CBR4: variants seen among roughly 807,000 people sequenced by gnomAD.
CBR4 encodes 3-oxoacyl-[acyl-carrier-protein] reductase.
Under a neutral mutation model 21.0 loss-of-function variants are expected in CBR4, and 22 were observed. The observed-to-expected ratio is 1.05, with a 90% CI of 0.75 to 1.50. The LOEUF is 1.50. Ranked by LOEUF, CBR4 falls within the 40% of genes most tolerant of loss-of-function variation. The pLI, the probability that CBR4 is intolerant of heterozygous loss-of-function variation, is 0.00. For synonymous variants in CBR4, 100 were observed against 104.4 expected (o/e 0.96, Z 0.26); for missense variants, 302 against 286.3 (o/e 1.05, Z -0.40).
intron 2 of CBR4, among the ~76,000 whole-genome samples, chr4:168,949,958 A>AT (rs986619003): frequency 2.0e-5 from 3 of 152,054 alleles, no homozygotes; most frequent in Non-Finnish European, 4.4e-5. Flanking sequence ...GTCAGTTGTA[A>AT]TATCTCCCAT....
At chr4:168,965,645 C>T (rs6553344) in intron 2 of CBR4, among the ~76,000 whole-genome samples, 105,895 of 152,088 alleles carry the variant, frequency 0.7, 38,288 homozygotes, top group East Asian at 0.96. Flanking sequence ...AAACAAGCAA[C>T]GAGGAAAGGA....
At chr4:168,910,925 A>G (rs1046861735) in intron 2 of CBR4, among the ~76,000 whole-genome samples, 1 of 152,188 alleles carries the variant, frequency 6.6e-6, no homozygotes, top group African/African-American at 2.4e-5. Flanking sequence ...ATTCACATGG[A>G]AATTCTTGCT....
chr4:168,911,346 T>A (rs1758907232), intron 2 of CBR4, among the ~76,000 whole-genome samples: 2 of 152,204 alleles, frequency 1.3e-5, no homozygotes, highest in Admixed American at 1.3e-4. Context: ...AATGATTAGT[T>A]CATTTTAACT....
At chr4:169,006,115 CT>C (rs1282701531) in intron 3 of CBR4, among the ~76,000 whole-genome samples, 1 of 152,122 alleles carries the variant, frequency 6.6e-6, no homozygotes, top group African/African-American at 2.4e-5. Flanking sequence ...GAAATTTTAT[CT>C]TCCTTTAAAC....
chr4:169,005,892 G>A (rs750484313), intron 3 of CBR4: 1 of 1,288,548 alleles, frequency 7.8e-7, no homozygotes, highest in South Asian at 1.2e-5. Context: ...TACTTTTATG[G>A]AGCAGCATCT....
Position 168,925,265 on chromosome 4 carries a change from G to C in CBR4, n.170-30500C>G, listed in dbSNP as rs1387962848. The C allele has an allele frequency of 3.1e-6, 5 of 1,605,984 alleles. No homozygotes were observed. In the African/African-American group the frequency reaches 6.7e-5, roughly 21 times the overall value. On this transcript the variant is annotated intron_variant and non_coding_transcript_variant, in intron 2 of 3. Coordinates refer to the CBR4 transcript ENST00000509108. ...ACATTAATAGTGAACCACACCAGGA[G>C]AACAAATACCCAAGTATCATTCAGG...
At chr4:169,000,747 A>G (rs189900646) in intron 4 of CBR4, among the ~76,000 whole-genome samples, 3 of 152,330 alleles carry the variant, frequency 2.0e-5, no homozygotes, top group Admixed American at 6.5e-5. Flanking sequence ...AATTTCTAGC[A>G]CACCAGCTAA....
At chr4:169,003,807 A>G (rs1730662771) in intron 3 of CBR4, among the ~76,000 whole-genome samples, 1 of 152,208 alleles carries the variant, frequency 6.6e-6, no homozygotes, top group Non-Finnish European at 1.5e-5. Flanking sequence ...AGGGACATGA[A>G]TGAAATTGGA....
intron 4 of CBR4, among the ~76,000 whole-genome samples, chr4:168,991,670 G>C (rs1764930148): frequency 6.6e-6 from 1 of 152,032 alleles, no homozygotes; most frequent in Non-Finnish European, 1.5e-5. Flanking sequence ...GACTTATGAA[G>C]AAAATCTTAC....
intron 2 of CBR4, chr4:168,927,514 G>A (rs1762712324): frequency 4.3e-6 from 1 of 231,906 alleles, no homozygotes; most frequent in South Asian, 1.8e-4. Flanking sequence ...TGGCATAAAT[G>A]AGAAATTGCC....
In CBR4 at chr4:168,896,476, G is replaced by A. The variant is rs1755199039; in HGVS notation, n.170-1711C>T. ...TGCTAGCACAAAAGTTTCACTTAAG[G>A]AAAATTAGAAATCTTGCTGCATTCT... On this transcript the variant is annotated intron_variant and non_coding_transcript_variant, in intron 2 of 3. Coordinates refer to the CBR4 transcript ENST00000509108. 11 of 927,670 alleles carry A rather than the reference G, an allele frequency of 1.2e-5. 1 individual carries two copies. The South Asian group carries it at 1.3e-4, about 11-fold the overall frequency. 57.5% of individuals were successfully genotyped at this position (927,670 alleles called of 1,614,324 possible).
chr4:168,903,576 A>G (rs1757010826), intron 2 of CBR4, among the ~76,000 whole-genome samples: 1 of 152,196 alleles, frequency 6.6e-6, no homozygotes, highest in African/African-American at 2.4e-5. Context: ...CTCAAATAGA[A>G]TTTAAATTGT....
rs2126589237 is a variant in CBR4 at position 168,925,008 on chromosome 4, T to C, written n.170-30243A>G. ...TTCAGGGAGCCACAAAAGAAGATGC[T>C]GGGTGGTATACTGTGTCAGCCAAGA... On this transcript the variant is annotated intron_variant and non_coding_transcript_variant, in intron 2 of 3. Coordinates refer to the CBR4 transcript ENST00000509108. 1.9e-6 allele frequency: 3 copies of C among 1,614,120 alleles called. No individual in the cohort carries two copies.
chr4:168,915,876 T>C, intron 2 of CBR4: 1 of 1,603,670 alleles, frequency 6.2e-7, no homozygotes. Flanking sequence ...TATCTATCTG[T>C]CATCTTTCTT....
At position 169,009,928 on chromosome 4, in the gene CBR4, A is replaced by C. The variant is rs1731271058; in HGVS notation, c.142+20T>G. ...CTGGACCGCGGCCATACAACTGGAC[A>C]ACTCCAGTTTGGTACCTACCGCCGA... is the stretch of plus-strand genomic sequence containing the variant. On this transcript the variant is annotated intron_variant, in intron 1 of 4. Coordinates refer to ENST00000306193, the MANE Select transcript of CBR4 (RefSeq NM_032783.5). The C allele has an allele frequency of 6.2e-7, 1 of 1,604,486 alleles. No homozygotes were observed.
At chr4:168,896,534 T>C (rs571138706) in intron 2 of CBR4, 3 of 1,431,140 alleles carry the variant, frequency 2.1e-6, no homozygotes, top group East Asian at 4.9e-5. Flanking sequence ...CACATCTTTT[T>C]TTCTACCATT....
intron 2 of CBR4, among the ~76,000 whole-genome samples, chr4:168,905,780 GCTTT>G (rs1319287522): frequency 1.5e-5 from 2 of 135,358 alleles, no homozygotes; most frequent in African/African-American, 5.3e-5. Context: ...AGCGGAACTT[GCTTT>G]TTTTTCTTTT....
intron 2 of CBR4, chr4:168,924,528 G>A: frequency 8.9e-7 from 1 of 1,123,908 alleles, no homozygotes; most frequent in South Asian, 1.3e-5. Context: ...CCACATAGAT[G>A]TTTTGATTTT....
intron 2 of CBR4, among the ~76,000 whole-genome samples, chr4:168,948,097 G>A (rs1442795108): frequency 3.9e-5 from 6 of 152,154 alleles, no homozygotes; most frequent in African/African-American, 4.8e-5. Flanking sequence ...GTATCACACT[G>A]TGGTTTTGAT....
Sources: allele counts gnomAD v4.1 joint callset (sites outside exome capture counted in the v4.1 genomes callset), GRCh38; gene constraint gnomAD v4.1.1; transcripts MANE v1.5; gene names NCBI Gene and HGNC (gene_info 2026-07-23, HGNC 2026-07-21).